JARID2: variants seen among roughly 807,000 people sequenced by gnomAD.
The protein encoded by JARID2 is protein Jumonji.
Under a neutral mutation model 125.6 loss-of-function variants are expected in JARID2, and 21 were observed. The observed-to-expected ratio is 0.17, with a 90% CI of 0.12 to 0.24. The LOEUF (loss-of-function observed/expected upper bound fraction) is 0.24, where lower values mean the gene tolerates loss of function less well. Ranked by LOEUF, JARID2 falls within the 10% of genes least tolerant of loss-of-function variation. JARID2 has a pLI of 1.00. For missense variants in JARID2, 1,303 were observed against 1,639.6 expected, an observed-to-expected ratio of 0.79 and a Z score of 3.55; for synonymous variants, 736 against 661.6, an observed-to-expected ratio of 1.11 and a Z score of -1.73.
chr6:15,503,078 AG>A (rs1449197923), intron 8 of JARID2, among the ~76,000 whole-genome samples: 1 of 152,246 alleles, frequency 6.6e-6, no homozygotes, highest in Non-Finnish European at 1.5e-5. Flanking sequence ...CACCCCGTCA[AG>A]GGTATTTCTA....
intron 2 of JARID2, among the ~76,000 whole-genome samples, chr6:15,381,341 CAAAAAAAA>C (rs11358363): frequency 1.1e-5 from 1 of 92,978 alleles, no homozygotes; most frequent in South Asian, 3.5e-4. Flanking sequence ...ACTCCTGTCT[CAAAAAAAA>C]AAAAAAAAAA....
chr6:15,461,787 G>A (rs925672221), intron 4 of JARID2, among the ~76,000 whole-genome samples: 3 of 152,068 alleles, frequency 2.0e-5, no homozygotes, highest in Non-Finnish European at 4.4e-5. Flanking sequence ...ATACAGTTGA[G>A]TAACCTCGAG....
intron 3 of JARID2, among the ~76,000 whole-genome samples, chr6:15,412,253 G>C (rs1403106439): frequency 6.6e-6 from 1 of 152,094 alleles, no homozygotes; most frequent in Non-Finnish European, 1.5e-5. Context: ...CTTGATTATA[G>C]GAGGAAGATT....
intron 1 of JARID2, among the ~76,000 whole-genome samples, chr6:15,316,418 G>A (rs543466191): frequency 1.3e-5 from 2 of 152,292 alleles, no homozygotes; most frequent in Admixed American, 6.5e-5. Flanking sequence ...ACCCTACAGA[G>A]GTGGCCAGTT....
At chr6:15,472,383 C>G (rs1042185510) in intron 5 of JARID2, among the ~76,000 whole-genome samples, 3 of 152,268 alleles carry the variant, frequency 2.0e-5, no homozygotes, top group African/African-American at 7.2e-5. Flanking sequence ...CTGAAATGTA[C>G]AAACCTTTCT....
chr6:15,491,034 C>G (rs892348521), intron 6 of JARID2, among the ~76,000 whole-genome samples: 2 of 152,194 alleles, frequency 1.3e-5, no homozygotes, highest in African/African-American at 4.8e-5. Flanking sequence ...TGAAAATGTA[C>G]AAGCCTTGCA....
intron 1 of JARID2, among the ~76,000 whole-genome samples, chr6:15,254,000 G>T (rs771758882): frequency 6.6e-5 from 10 of 152,228 alleles, no homozygotes; most frequent in Non-Finnish European, 1.3e-4. Context: ...AAGGGGAGAA[G>T]AAAAGGTTGT....
intron 1 of JARID2, among the ~76,000 whole-genome samples, chr6:15,295,119 C>CTTTTTTTTTTT (rs1761361829): frequency 7.3e-6 from 1 of 137,344 alleles, no homozygotes; most frequent in Non-Finnish European, 1.6e-5. Context: ...TTTTTTTTTT[C>CTTTTTTTTTTT]TTTCTTTTTT....
intron 5 of JARID2, among the ~76,000 whole-genome samples, chr6:15,475,218 G>T (rs919914987): frequency 6.6e-6 from 1 of 152,312 alleles, no homozygotes; most frequent in Non-Finnish European, 1.5e-5. Flanking sequence ...TTATTTAAAT[G>T]TGACATAATA....
chr6:15,407,471 CT>C (rs141330388), intron 2 of JARID2, among the ~76,000 whole-genome samples: 6,422 of 152,248 alleles, frequency 0.042, 383 homozygotes, highest in African/African-American at 0.13. Context: ...TTCTTACTTA[CT>C]TGCTAAATCA....
chr6:15,305,843 T>C (rs1761802015), intron 1 of JARID2, among the ~76,000 whole-genome samples: 1 of 152,204 alleles, frequency 6.6e-6, no homozygotes, highest in South Asian at 2.1e-4. Context: ...CCTTGGACAG[T>C]GTATTATGAA....
Position 15,520,265 on chromosome 6 carries a change from C to G in JARID2, c.*14C>G. On this transcript the variant is annotated 3_prime_UTR_variant, in exon 18 of 18. Coordinates refer to ENST00000341776, the MANE Select transcript of JARID2 (RefSeq NM_004973.4). ...AGCTCATCATGAAGATGCCAACGCC[C>G]GTGGTCGATTTATATATATTTTTTT... The G allele has an allele frequency of 1.3e-6, 2 of 1,566,282 alleles. No homozygotes were observed. The highest frequency in any genetic ancestry group is 1.7e-4 in the Middle Eastern group (1 of 5,846).
chr6:15,306,743 A>T (rs567912500), intron 1 of JARID2, among the ~76,000 whole-genome samples: 22 of 151,614 alleles, frequency 1.5e-4, no homozygotes, highest in South Asian at 6.2e-4. Context: ...GTACTTAAAA[A>T]TTTTTTTTGA....
intron 3 of JARID2, among the ~76,000 whole-genome samples, chr6:15,417,097 T>G (rs1389399465): frequency 6.6e-6 from 1 of 152,234 alleles, no homozygotes; most frequent in Non-Finnish European, 1.5e-5. Context: ...AGAGGTCATC[T>G]GAGTTGGCGA....
intron 1 of JARID2, among the ~76,000 whole-genome samples, chr6:15,317,422 T>C (rs1762215492): frequency 6.6e-6 from 1 of 152,228 alleles, no homozygotes; most frequent in Non-Finnish European, 1.5e-5. Flanking sequence ...AATACAGTTT[T>C]GTTTGAAATC....
intron 5 of JARID2, among the ~76,000 whole-genome samples, chr6:15,474,105 A>T (rs1171699769): frequency 1.3e-5 from 2 of 152,248 alleles, no homozygotes; most frequent in African/African-American, 2.4e-5. Context: ...AACTGACGTC[A>T]GTTTATTAAA....
chr6:15,314,256 AT>A (rs1762108924), intron 1 of JARID2, among the ~76,000 whole-genome samples: 1 of 152,100 alleles, frequency 6.6e-6, no homozygotes, highest in South Asian at 2.1e-4. Context: ...TATTTATAAC[AT>A]TTGCCACTAC....
At chr6:15,349,965 G>A (rs542558231) in intron 1 of JARID2, among the ~76,000 whole-genome samples, 6 of 152,202 alleles carry the variant, frequency 3.9e-5, no homozygotes, top group African/African-American at 1.4e-4. Context: ...GGATATTCTC[G>A]GTTCTTGTGG....
intron 4 of JARID2, among the ~76,000 whole-genome samples, chr6:15,465,111 A>G (rs920572712): frequency 2.6e-5 from 4 of 152,184 alleles, no homozygotes; most frequent in Non-Finnish European, 5.9e-5. Flanking sequence ...AGGAGCCATT[A>G]AAACAAATCC....
Sources: allele counts gnomAD v4.1 joint callset (sites outside exome capture counted in the v4.1 genomes callset), GRCh38; gene constraint gnomAD v4.1.1; transcripts MANE v1.5; gene names NCBI Gene and HGNC (gene_info 2026-07-23, HGNC 2026-07-21).